SAP130: variants seen among roughly 807,000 people sequenced by gnomAD.
SAP130 encodes the protein histone deacetylase complex subunit SAP130.
SAP130 carries 16 observed loss-of-function variants against 103.2 expected under a neutral mutation model. The ratio of observed to expected loss-of-function variants is 0.16; its 90% CI spans 0.10 to 0.24. SAP130 has a LOEUF of 0.24. Among genes scored for constraint, SAP130 ranks in the 10% least tolerant of loss-of-function variants. The probability of loss-of-function intolerance (pLI) is 1.00; values close to 1 mark genes in which losing one functional copy is unlikely to be tolerated. For missense variants in SAP130, 990 were observed against 1,359.7 expected (o/e 0.73, Z 4.28); for synonymous variants, 477 against 497.0 (o/e 0.96, Z 0.53).
intron 2 of SAP130, among the ~76,000 whole-genome samples, chr2:128,018,438 T>C (rs1335791901): frequency 2.9e-5 from 4 of 138,084 alleles, no homozygotes; most frequent in Non-Finnish European, 6.0e-5. Context: ...TGAGCCAAGA[T>C]TCCGTCACTG....
intron 14 of SAP130, among the ~76,000 whole-genome samples, chr2:127,983,846 TAAACA>T (rs1682165779): frequency 2.8e-4 from 15 of 54,308 alleles, no homozygotes; most frequent in African/African-American, 8.2e-4. Context: ...TTTTTTTTTT[TAAACA>T]TTTATCTATG....
At chr2:128,010,178 ATAAATAT>A in intron 7 of SAP130, 84 bp downstream of exon 7, 1 of 1,411,804 alleles carries the variant, frequency 7.1e-7, no homozygotes, top group Non-Finnish European at 9.6e-7. Context: ...AAGCCACTCA[ATAAATAT>A]TTACTTAAAT....
intron 15 of SAP130, among the ~76,000 whole-genome samples, chr2:127,975,618 T>C (rs1681406789): frequency 6.6e-6 from 1 of 152,152 alleles, no homozygotes. Context: ...GCTGTCACAC[T>C]GAAAGAAAAT....
intron 15 of SAP130, among the ~76,000 whole-genome samples, chr2:127,972,125 T>C (rs938081039): frequency 6.6e-6 from 1 of 152,074 alleles, no homozygotes; most frequent in African/African-American, 2.4e-5. Context: ...AGTGCCTGTG[T>C]GGGCCCTACC....
At chr2:127,949,645 A>AATGGTT (rs1679356806) in intron 18 of SAP130, among the ~76,000 whole-genome samples, 1 of 152,220 alleles carries the variant, frequency 6.6e-6, no homozygotes, top group Admixed American at 6.5e-5. Flanking sequence ...CTTAACCATT[A>AATGGTT]AACTGCAATT....
chr2:127,999,815 C>T lies in SAP130; in HGVS notation c.1139G>A (p.Ser380Asn). 2 of 1,535,506 alleles carry T rather than the reference C, an allele frequency of 1.3e-6. No individual in the cohort carries two copies. The highest frequency in any genetic ancestry group is 1.7e-6 in the Non-Finnish European group (2 of 1,144,928). Residue 380 changes from serine to asparagine, a missense_variant, in exon 10 of 21, where the codon AGT (serine) becomes AAT (asparagine). Around this residue, in one of 6 missense-constraint regions of SAP130, gnomAD observed 336 missense variants for 520.1 expected, o/e 0.65. Coordinates refer to ENST00000643581, the MANE Select transcript of SAP130 (RefSeq NM_001330301.2). ...GSVSHTQAPT[S>N]TIVTMTVPSH... The stretch of plus-strand genomic sequence containing the variant: ...GGGTACTGTCATGGTAACAATGGTA[C>T]TTGTGGGAGCTTGCGTGTGTGACAC...
intron 6 of SAP130, among the ~76,000 whole-genome samples, chr2:128,012,426 C>T (rs1329386889): frequency 6.6e-6 from 1 of 152,010 alleles, no homozygotes; most frequent in African/African-American, 2.4e-5. Context: ...GCTGGGATCG[C>T]ACCACTGCAC....
At chr2:127,944,657 A>C (rs1219191058) in intron 19 of SAP130, among the ~76,000 whole-genome samples, 2 of 152,010 alleles carry the variant, frequency 1.3e-5, no homozygotes, top group African/African-American at 2.4e-5. Context: ...CGAACTCCTG[A>C]CCTCGTGATC....
At chr2:128,013,199 C>T in intron 5 of SAP130, 45 bp from the exon 6 acceptor site, 1 of 1,522,012 alleles carries the variant, frequency 6.6e-7, no homozygotes, top group South Asian at 1.3e-5. Flanking sequence ...AGTTATATTC[C>T]CTGGGAAAAT....
chr2:127,984,408 G>T (rs1170180172), intron 14 of SAP130, among the ~76,000 whole-genome samples: 1 of 152,220 alleles, frequency 6.6e-6, no homozygotes, highest in Non-Finnish European at 1.5e-5. Context: ...CACCGTTAGA[G>T]GTCCCCTCAG....
intron 14 of SAP130, among the ~76,000 whole-genome samples, chr2:127,979,970 T>A (rs1681747798): frequency 6.6e-6 from 1 of 151,740 alleles, no homozygotes; most frequent in African/African-American, 2.4e-5. Context: ...CTCCGCCTCC[T>A]GGGTTCAAGT....
chr2:128,016,286 CT>C, intron 4 of SAP130, 102 bp downstream of exon 4: 7 of 1,252,678 alleles, frequency 5.6e-6, no homozygotes, highest in South Asian at 1.4e-5. Flanking sequence ...ACTGTTTGAT[CT>C]TTTTTTATTA....
chr2:127,993,739 A>G (rs1160531675), intron 11 of SAP130, among the ~76,000 whole-genome samples: 1 of 152,090 alleles, frequency 6.6e-6, no homozygotes, highest in East Asian at 1.9e-4. Flanking sequence ...AAAAAATGGG[A>G]TCCAATTTAT....
At chr2:127,988,279 C>A (rs1257661242) in intron 13 of SAP130, among the ~76,000 whole-genome samples, 1 of 151,542 alleles carries the variant, frequency 6.6e-6, no homozygotes, top group Non-Finnish European at 1.5e-5. Flanking sequence ...AAATAATTAC[C>A]CAGGTGTGGT....
At chr2:128,021,742 T>C (rs562753797) in intron 2 of SAP130, among the ~76,000 whole-genome samples, 3 of 151,774 alleles carry the variant, frequency 2.0e-5, no homozygotes, top group African/African-American at 7.3e-5. Context: ...GCATTGCCTG[T>C]TCCCATTAGC....
chr2:127,972,281 A>G (rs996992682), intron 15 of SAP130, among the ~76,000 whole-genome samples: 1 of 152,212 alleles, frequency 6.6e-6, no homozygotes, highest in Non-Finnish European at 1.5e-5. Context: ...ACACTTGAAA[A>G]CTAAGTCCAT....
At chr2:127,952,170 T>C (rs1334533603) in intron 16 of SAP130, among the ~76,000 whole-genome samples, 1 of 152,150 alleles carries the variant, frequency 6.6e-6, no homozygotes, top group Non-Finnish European at 1.5e-5. Flanking sequence ...AAAAATCTTC[T>C]TCTTGGCCAG....
At chr2:127,999,143 T>C (rs759207821) in intron 10 of SAP130, among the ~76,000 whole-genome samples, 2 of 152,288 alleles carry the variant, frequency 1.3e-5, no homozygotes, top group Middle Eastern at 3.4e-3. Flanking sequence ...AAGACTTCTG[T>C]GAGGCTGAGC....
Position 127,996,472 on chromosome 2 carries a change from C to G in SAP130, c.1233G>C (p.Gln411His). ...NIPVAKVVPQ[Q>H]ITHTSPRIQP... is the part of the protein sequence containing the mutation. ...GGATCCGAGGAGAAGTGTGCGTGATCTGCTGGGGCACCACCTTGGCTGCAA... is the reference window on the plus strand; with the variant it reads ...GGATCCGAGGAGAAGTGTGCGTGATGTGCTGGGGCACCACCTTGGCTGCAA... Residue 411 changes from glutamine (Q) to histidine (H), a missense_variant, in exon 11 of 21, where the codon CAG becomes CAC. Gln to His is a conservative substitution (Grantham distance 24, BLOSUM62 0). Coordinates refer to ENST00000643581, the MANE Select transcript of SAP130 (RefSeq NM_001330301.2). The surrounding 1 kb of genome is among the most constrained non-coding windows in gnomAD (Gnocchi z 4.3). 1.3e-6 allele frequency: 2 copies of G among 1,582,620 alleles called. No individual in the cohort carries two copies. The highest frequency in any genetic ancestry group is 1.7e-6 in the Non-Finnish European group (2 of 1,163,282).
Sources: allele counts gnomAD v4.1 joint callset (sites outside exome capture counted in the v4.1 genomes callset), GRCh38; gene constraint gnomAD v4.1.1; regional missense constraint gnomAD v4.1.1; non-coding constraint Gnocchi (gnomAD v3.1); transcripts MANE v1.5; gene names NCBI Gene and HGNC (gene_info 2026-07-23, HGNC 2026-07-21).